The following LIN9 variants were observed in gnomAD, a reference collection of about 807,000 sequenced individuals.
LIN9 encodes protein lin-9 homolog.
In LIN9, 18 loss-of-function variants were observed where a neutral mutation model predicts 78.0. The ratio of observed to expected loss-of-function variants is 0.23; its 90% CI spans 0.16 to 0.34. The LOEUF (loss-of-function observed/expected upper bound fraction) is 0.34, where lower values mean the gene tolerates loss of function less well. LIN9 is among the 10% of genes least tolerant of loss of function. LIN9 has a pLI of 1.00. For synonymous variants in LIN9, 192 were observed against 215.2 expected, an observed-to-expected ratio of 0.89 and a Z score of 0.94; for missense variants, 451 against 644.1, an observed-to-expected ratio of 0.70 and a Z score of 3.25.
intron 4 of LIN9, among the ~76,000 whole-genome samples, chr1:226,292,484 C>T (rs776878930): frequency 3.2e-4 from 48 of 151,916 alleles, no homozygotes; most frequent in Admixed American, 9.2e-4. Flanking sequence ...CTGACAGGGT[C>T]TCTGTTCTAT....
intron 2 of LIN9, among the ~76,000 whole-genome samples, chr1:226,298,854 T>G (rs963009428): frequency 6.6e-6 from 1 of 152,106 alleles, no homozygotes. Context: ...ATAGCACCAC[T>G]GCACTTCAGT....
At chr1:226,236,982 T>C (rs981426963) in intron 12 of LIN9, among the ~76,000 whole-genome samples, 1 of 152,244 alleles carries the variant, frequency 6.6e-6, no homozygotes, top group African/African-American at 2.4e-5. Context: ...GGTAAATACA[T>C]GTTGATGTAT....
At chr1:226,235,596 T>TTC (rs1339987046) in intron 12 of LIN9, among the ~76,000 whole-genome samples, 6 of 152,172 alleles carry the variant, frequency 3.9e-5, no homozygotes, top group Admixed American at 3.9e-4. Context: ...CAGGGAGCAT[T>TTC]TCCTTTGAGT....
intron 6 of LIN9, among the ~76,000 whole-genome samples, chr1:226,283,620 TTAA>T (rs1661212383): frequency 6.6e-6 from 1 of 152,156 alleles, no homozygotes; most frequent in African/African-American, 2.4e-5. Context: ...GCCAAATTTA[TTAA>T]TGTTTTCTTT....
chr1:226,232,643 C>A, intron 14 of LIN9, 37 bp from the exon 15 acceptor site: 3 of 1,365,906 alleles, frequency 2.2e-6, no homozygotes, highest in Admixed American at 2.2e-5. Flanking sequence ...TACTTTATTT[C>A]AAAAAATTAA....
intron 7 of LIN9, among the ~76,000 whole-genome samples, chr1:226,270,824 CAAAAAAAAAAAAAA>C (rs764106581): frequency 4.5e-5 from 1 of 22,170 alleles, no homozygotes; most frequent in African/African-American, 1.0e-4. Context: ...GACTCTGTCT[CAAAAAAAAAAAAAA>C]AAAAAAAAAA....
At chr1:226,252,771 A>G (rs554563096) in intron 10 of LIN9, among the ~76,000 whole-genome samples, 1 of 152,228 alleles carries the variant, frequency 6.6e-6, no homozygotes, top group Admixed American at 6.5e-5. Context: ...GTTTGAGACC[A>G]ACCTGGCCAA....
intron 12 of LIN9, among the ~76,000 whole-genome samples, chr1:226,236,146 A>G (rs937056803): frequency 4.6e-5 from 7 of 152,108 alleles, no homozygotes; most frequent in Admixed American, 1.3e-4. Context: ...TAATGCTTCA[A>G]TGAATAACTG....
intron 2 of LIN9, 77 bp downstream of exon 2, chr1:226,301,096 T>C: frequency 1.9e-6 from 2 of 1,041,272 alleles, no homozygotes; most frequent in South Asian, 1.7e-5. Context: ...AGAAGGAAAA[T>C]GGAAACACTA....
At chr1:226,242,378 T>C (rs1377577898) in intron 11 of LIN9, among the ~76,000 whole-genome samples, 3 of 152,154 alleles carry the variant, frequency 2.0e-5, no homozygotes, top group East Asian at 1.9e-4. Flanking sequence ...TATTAATAAA[T>C]TGGAACAATT....
chr1:226,266,352 C>A lies in LIN9; in HGVS notation c.817-20G>T, dbSNP rs371621645. The stretch of plus-strand genomic sequence containing the variant: ...ATTACTCTGAGAAAACAGAATAATT[C>A]ACAAAACTTAAAGAAATTTACCAAT... On this transcript the variant is annotated intron_variant, in intron 8 of 14. Transcript: ENST00000681046. 1,778 of 1,571,974 alleles carry A rather than the reference C, an allele frequency of 1.1e-3. 2 individuals are homozygous for A. Among genetic ancestry groups the A allele is most frequent in the Non-Finnish European group, 1.4e-3 (1,657 of 1,158,784 alleles).
chr1:226,248,246 T>C (rs892461530), intron 11 of LIN9, among the ~76,000 whole-genome samples: 20 of 152,212 alleles, frequency 1.3e-4, no homozygotes, highest in African/African-American at 4.8e-4. Context: ...CTTGAATTAA[T>C]TGCCTTTTAA....
intron 7 of LIN9, among the ~76,000 whole-genome samples, chr1:226,276,229 T>C (rs77309093): frequency 1.4e-3 from 208 of 152,356 alleles, no homozygotes; most frequent in African/African-American, 4.7e-3. Flanking sequence ...GATTTCCTAA[T>C]GAGTCTGAGA....
At position 226,231,847 on chromosome 1, in the gene LIN9, C is replaced by A; in HGVS notation, c.*654G>T. ...TTCCCCCTGTTCCTTCATTTTCTTT[C>A]AACAAACAACAAAGGTTTCTTTTAT... is the stretch of plus-strand genomic sequence containing the variant. On this transcript the variant is annotated 3_prime_UTR_variant, in exon 15 of 15. Transcript: ENST00000681046. The A allele has an allele frequency of 3.9e-6, 1 of 256,222 alleles. No homozygotes were observed. Among genetic ancestry groups the A allele is most frequent in the Non-Finnish European group, 7.2e-6 (1 of 139,030 alleles). 15.9% of individuals were successfully genotyped at this position (256,222 alleles called of 1,614,324 possible).
chr1:226,274,012 AT>A (rs1660475678), intron 7 of LIN9, among the ~76,000 whole-genome samples: 2 of 151,814 alleles, frequency 1.3e-5, no homozygotes, highest in African/African-American at 2.4e-5. Context: ...TAATTTTTGT[AT>A]TTTTAGTAGA....
intron 6 of LIN9, among the ~76,000 whole-genome samples, chr1:226,282,277 A>G (rs1404773104): frequency 6.6e-6 from 1 of 152,172 alleles, no homozygotes; most frequent in Admixed American, 6.5e-5. Context: ...TTACTACTAC[A>G]AACAATACTG....
At chr1:226,309,045 C>A in intron 1 of LIN9, 64 bp downstream of exon 1, 6 of 1,295,692 alleles carry the variant, frequency 4.6e-6, no homozygotes, top group Non-Finnish European at 5.9e-6. Context: ...TCCGTCCCGG[C>A]CGGTGCAACC....
In LIN9 at chr1:226,232,509, T is replaced by C. The variant is rs760350660; in HGVS notation, c.1621A>G (p.Arg541Gly). ...LHAFAANNTNRD is the reference protein window; with the variant it reads ...LHAFAANNTNGD ...AATAATGAAATCTTTACTCAGTCTCTGTTGGTGTTATTTGCTGCAAAGGCA... is the reference window on the plus strand; with the variant it reads ...AATAATGAAATCTTTACTCAGTCTCCGTTGGTGTTATTTGCTGCAAAGGCA... The change falls in exon 15 of 15, where the codon AGA becomes GGA. Residue 541 changes from arginine (R) to glycine (G), a missense_variant. Physicochemically the swap from Arg to Gly is moderately radical, Grantham distance 125. Transcript: ENST00000681046. 5.0e-6 allele frequency: 8 copies of C among 1,605,776 alleles called. No individual in the cohort carries two copies. Among genetic ancestry groups the C allele is most frequent in the Admixed American group, 1.7e-5 (1 of 59,856 alleles).
intron 7 of LIN9, among the ~76,000 whole-genome samples, chr1:226,273,751 C>T (rs1660451987): frequency 6.6e-6 from 1 of 151,984 alleles, no homozygotes; most frequent in Admixed American, 6.6e-5. Context: ...TATGTTTTAT[C>T]AAGCCCTCCA....
Sources: allele counts gnomAD v4.1 joint callset (sites outside exome capture counted in the v4.1 genomes callset), GRCh38; gene constraint gnomAD v4.1.1; transcripts MANE v1.5; gene names NCBI Gene and HGNC (gene_info 2026-07-23, HGNC 2026-07-21).